Variants in ME3 observed in about 807,000 individuals in gnomAD.
The protein encoded by ME3 is NADP-dependent malic enzyme, mitochondrial.
Under a neutral mutation model 68.9 loss-of-function variants are expected in ME3, and 48 were observed. The observed-to-expected ratio is 0.70, with a 90% CI of 0.55 to 0.89. The LOEUF (loss-of-function observed/expected upper bound fraction) is 0.89, where lower values mean the gene tolerates loss of function less well. Among genes scored for constraint, ME3 ranks in the 40% least tolerant of loss-of-function variants. ME3 has a pLI of 0.00. For synonymous variants in ME3, 320 were observed against 318.8 expected (o/e 1.00, Z -0.04); for missense variants, 675 against 797.4 (o/e 0.85, Z 1.85).
At chr11:86,581,655 G>A (rs1237644296) in intron 2 of ME3, among the ~76,000 whole-genome samples, 1 of 151,966 alleles carries the variant, frequency 6.6e-6, no homozygotes, top group Non-Finnish European at 1.5e-5. Flanking sequence ...CTGCTTGCTG[G>A]CTATCCCCAC....
intron 8 of ME3, among the ~76,000 whole-genome samples, chr11:86,459,942 G>C (rs1189913223): frequency 6.6e-6 from 1 of 152,212 alleles, no homozygotes; most frequent in Non-Finnish European, 1.5e-5. Context: ...CTCCAGCCAT[G>C]CTGTGTGGTC....
intron 4 of ME3, among the ~76,000 whole-genome samples, chr11:86,516,690 C>T (rs146829990): frequency 6.6e-6 from 1 of 152,296 alleles, no homozygotes; most frequent in East Asian, 1.9e-4. Flanking sequence ...CGTGCCTGGC[C>T]TAATATCTAT....
intron 4 of ME3, among the ~76,000 whole-genome samples, chr11:86,524,668 T>C (rs651758): frequency 0.79 from 120,952 of 152,144 alleles, 48,454 homozygotes; most frequent in South Asian, 0.84. Context: ...GAGCTATCAT[T>C]GCATATTAGT....
intron 8 of ME3, among the ~76,000 whole-genome samples, chr11:86,463,027 A>T (rs1287846142): frequency 1.3e-5 from 2 of 152,224 alleles, no homozygotes; most frequent in African/African-American, 4.8e-5. Context: ...CCGAAGTCTT[A>T]TATTTTCATT....
chr11:86,436,382 G>T (rs1047482734), downstream of ME3: 2 of 151,914 alleles, frequency 1.3e-5, no homozygotes, highest in African/African-American at 4.8e-5. Context: ...TTAAGTTGAA[G>T]TAGTTCTTTA....
intron 2 of ME3, among the ~76,000 whole-genome samples, chr11:86,669,036 A>AT (rs1218378454): frequency 1.3e-5 from 2 of 152,158 alleles, no homozygotes; most frequent in Non-Finnish European, 2.9e-5. Flanking sequence ...CCTCAGCACT[A>AT]TCTTCCCACC....
At chr11:86,523,951 T>G (rs1954529960) in intron 4 of ME3, among the ~76,000 whole-genome samples, 1 of 152,230 alleles carries the variant, frequency 6.6e-6, no homozygotes, top group African/African-American at 2.4e-5. Context: ...AGCTGTTACT[T>G]AGAATATTAA....
At chr11:86,602,701 A>G (rs1251528486) in intron 2 of ME3, among the ~76,000 whole-genome samples, 1 of 152,232 alleles carries the variant, frequency 6.6e-6, no homozygotes, top group African/African-American at 2.4e-5. Flanking sequence ...CTGACTTCAA[A>G]CTATACTGCA....
chr11:86,553,279 A>G (rs1162968852), intron 4 of ME3, among the ~76,000 whole-genome samples: 2 of 152,244 alleles, frequency 1.3e-5, no homozygotes, highest in Non-Finnish European at 2.9e-5. Flanking sequence ...TTTTAGCATC[A>G]GCTGGATGTA....
intron 6 of ME3, among the ~76,000 whole-genome samples, chr11:86,495,976 C>G (rs1952302726): frequency 6.6e-6 from 1 of 152,196 alleles, no homozygotes; most frequent in Non-Finnish European, 1.5e-5. Flanking sequence ...TCTCCCTCAT[C>G]TCATTCCCAC....
chr11:86,603,979 A>T (rs1199400109), intron 2 of ME3, among the ~76,000 whole-genome samples: 1 of 149,664 alleles, frequency 6.7e-6, no homozygotes, highest in Non-Finnish European at 1.5e-5. Flanking sequence ...TAGCATTAGG[A>T]GATATGCCTA....
chr11:86,523,054 C>T (rs1392035773), intron 4 of ME3, among the ~76,000 whole-genome samples: 1 of 152,146 alleles, frequency 6.6e-6, no homozygotes, highest in Non-Finnish European at 1.5e-5. Flanking sequence ...CTTTGCCAAA[C>T]TCTATGGAGG....
chr11:86,462,115 T>C (rs1272261053), intron 8 of ME3, among the ~76,000 whole-genome samples: 4 of 152,154 alleles, frequency 2.6e-5, no homozygotes, highest in Admixed American at 1.3e-4. Flanking sequence ...TATGAGCACA[T>C]GTAGAGGTGC....
intron 2 of ME3, among the ~76,000 whole-genome samples, chr11:86,606,752 T>G (rs1218744713): frequency 1.3e-5 from 2 of 152,182 alleles, no homozygotes; most frequent in Non-Finnish European, 2.9e-5. Flanking sequence ...GGATGTGGTG[T>G]CTTTGGTTGG....
intron 7 of ME3, among the ~76,000 whole-genome samples, chr11:86,479,436 A>G (rs1301373322): frequency 6.6e-6 from 1 of 152,212 alleles, no homozygotes; most frequent in East Asian, 1.9e-4. Flanking sequence ...AGAAACCTAA[A>G]TAATAGATGT....
chr11:86,670,800 T>G lies in ME3; in HGVS notation c.183+962A>C, dbSNP rs750456098. Among the ~76,000 whole-genome samples the G allele has an allele frequency of 2.0e-5, 3 of 152,322 alleles. No individual in the cohort carries two copies. In the South Asian group the frequency reaches 6.2e-4, roughly 32 times the overall value. On this transcript the variant is annotated intron_variant, in intron 2 of 14. Transcript: ENST00000543262. ...TTTGCAGTAATTGTTATTCAGCACT[T>G]TATACAGTTTAAAATATGATTTCAA...
At chr11:86,575,235 C>T (rs772831137) in intron 2 of ME3, among the ~76,000 whole-genome samples, 15 of 147,388 alleles carry the variant, frequency 1.0e-4, no homozygotes, top group Non-Finnish European at 2.2e-4. Context: ...AGGGTGAACT[C>T]CTCATGCTTG....
intron 2 of ME3, among the ~76,000 whole-genome samples, chr11:86,624,481 C>T (rs1943537779): frequency 6.6e-6 from 1 of 152,182 alleles, no homozygotes. Flanking sequence ...TCTCCTTATT[C>T]CCAATGCCCC....
At chr11:86,634,275 G>C (rs749779646) in intron 2 of ME3, among the ~76,000 whole-genome samples, 1 of 152,120 alleles carries the variant, frequency 6.6e-6, no homozygotes, top group Non-Finnish European at 1.5e-5. Flanking sequence ...CCAGAGCTTG[G>C]GTTCATGTCT....
Sources: allele counts gnomAD v4.1 joint callset (sites outside exome capture counted in the v4.1 genomes callset), GRCh38; gene constraint gnomAD v4.1.1; transcripts MANE v1.5; gene names NCBI Gene and HGNC (gene_info 2026-07-23, HGNC 2026-07-21).